Variants in COG5 observed in about 807,000 individuals in gnomAD.
COG5 encodes conserved oligomeric Golgi complex subunit 5.
Under a neutral mutation model 110.4 loss-of-function variants are expected in COG5, and 86 were observed. That is an observed-to-expected ratio of 0.78 (90% CI 0.65 to 0.93). The LOEUF (loss-of-function observed/expected upper bound fraction) is 0.93. Among genes scored for constraint, COG5 ranks in the 40% least tolerant of loss-of-function variants. The pLI is 0.00. For missense variants in COG5, 1,077 were observed against 987.0 expected, an observed-to-expected ratio of 1.09 and a Z score of -1.22; for synonymous variants, 360 against 334.6, an observed-to-expected ratio of 1.08 and a Z score of -0.83.
At chr7:107,471,957 TAGTG>T (rs374566588) in intron 6 of COG5, 1 of 152,028 alleles carries the variant, frequency 6.6e-6, no homozygotes, top group Non-Finnish European at 1.5e-5. Context: ...CATTTCAAAA[TAGTG>T]AGCACTGCTA....
At chr7:107,476,955 A>T (rs1186910314) in intron 6 of COG5, among the ~76,000 whole-genome samples, 2 of 151,726 alleles carry the variant, frequency 1.3e-5, no homozygotes, top group African/African-American at 4.8e-5. Flanking sequence ...ATAGTAATTT[A>T]CTTCTGATAA....
chr7:107,289,385 T>C (rs1319318682), intron 12 of COG5, among the ~76,000 whole-genome samples: 1 of 152,188 alleles, frequency 6.6e-6, no homozygotes, highest in African/African-American at 2.4e-5. Context: ...GGCAGTACTA[T>C]ACCATAGGGA....
intron 5 of COG5, among the ~76,000 whole-genome samples, chr7:107,535,319 C>A (rs1236618666): frequency 7.9e-5 from 12 of 151,362 alleles, no homozygotes; most frequent in Admixed American, 4.6e-4. Context: ...TAACTAAGAG[C>A]AGAACTGAAG....
At chr7:107,268,870 C>A (rs745832423) in intron 14 of COG5, among the ~76,000 whole-genome samples, 3 of 151,956 alleles carry the variant, frequency 2.0e-5, no homozygotes, top group Non-Finnish European at 4.4e-5. Flanking sequence ...TTTATCTGTC[C>A]TTATATTTTA....
At chr7:107,374,477 T>C (rs752889830) in intron 7 of COG5, among the ~76,000 whole-genome samples, 36 of 152,076 alleles carry the variant, frequency 2.4e-4, no homozygotes, top group Non-Finnish European at 3.2e-4. Context: ...ACAGTACAGT[T>C]TCAGTGTTAT....
intron 21 of COG5, chr7:107,207,852 T>C: frequency 1.0e-6 from 1 of 985,440 alleles, no homozygotes; most frequent in South Asian, 4.7e-5. Flanking sequence ...GCAGGATGGT[T>C]CACTATTTCC....
chr7:107,563,853 G>A lies in COG5; in HGVS notation c.44C>T (p.Ala15Val), dbSNP rs1804227263. ...AGCTGCAGCCGCTCCAGAGCCTCGAGCTCCGAGGCCAGCTACAGCGACGCT... is the reference window on the plus strand; with the variant it reads ...AGCTGCAGCCGCTCCAGAGCCTCGAACTCCGAGGCCAGCTACAGCGACGCT... ...GGSVAVAGLG[A>V]RGSGAAAATV... The change falls in exon 1 of 22, where the codon GCT becomes GTT. Residue 15 changes from alanine to valine, a missense_variant. Transcript: ENST00000297135. 1 of 1,613,714 alleles carries A rather than the reference G, an allele frequency of 6.2e-7. No homozygotes were observed. The highest frequency in any genetic ancestry group is 8.5e-7 in the Non-Finnish European group (1 of 1,179,938).
chr7:107,500,904 G>A (rs1024506253), intron 6 of COG5, among the ~76,000 whole-genome samples: 1 of 152,156 alleles, frequency 6.6e-6, no homozygotes, highest in East Asian at 1.9e-4. Flanking sequence ...AAATTCTACA[G>A]GTACACCTAT....
At chr7:107,500,305 C>A (rs1377471450) in intron 6 of COG5, among the ~76,000 whole-genome samples, 1 of 152,172 alleles carries the variant, frequency 6.6e-6, no homozygotes, top group African/African-American at 2.4e-5. Flanking sequence ...TCTGGATAAA[C>A]TTGAGAAGTG....
chr7:107,339,682 A>T (rs181849112), intron 10 of COG5, among the ~76,000 whole-genome samples: 13 of 152,282 alleles, frequency 8.5e-5, no homozygotes, highest in Non-Finnish European at 1.5e-4. Flanking sequence ...CTTGGACCAC[A>T]GTGGAATAAA....
chr7:107,245,183 T>C (rs1562930832), intron 17 of COG5, among the ~76,000 whole-genome samples: 1 of 152,188 alleles, frequency 6.6e-6, no homozygotes, highest in Non-Finnish European at 1.5e-5. Flanking sequence ...TTAAAAATTC[T>C]CAATAAATTA....
chr7:107,462,009 T>C (rs1796022006), intron 6 of COG5, among the ~76,000 whole-genome samples: 1 of 152,148 alleles, frequency 6.6e-6, no homozygotes, highest in Non-Finnish European at 1.5e-5. Context: ...CCAGCTTCCA[T>C]ATGAGATGCA....
intron 17 of COG5, among the ~76,000 whole-genome samples, chr7:107,240,010 T>C (rs1271158559): frequency 6.6e-6 from 1 of 152,140 alleles, no homozygotes; most frequent in Non-Finnish European, 1.5e-5. Context: ...TAATGTAGAG[T>C]TCTTCTTTCA....
chr7:107,276,534 T>A (rs757370521), intron 14 of COG5, among the ~76,000 whole-genome samples: 1 of 152,168 alleles, frequency 6.6e-6, no homozygotes, highest in African/African-American at 2.4e-5. Flanking sequence ...TAGCTAGGCA[T>A]GCTGGCATGC....
At chr7:107,472,153 A>G (rs899917059) in intron 6 of COG5, 8 of 152,064 alleles carry the variant, frequency 5.3e-5, no homozygotes, top group African/African-American at 1.9e-4. Context: ...GTGACTTTTT[A>G]AAGCAAAACA....
intron 11 of COG5, among the ~76,000 whole-genome samples, chr7:107,300,344 T>C (rs1470339120): frequency 1.3e-5 from 2 of 151,964 alleles, no homozygotes; most frequent in Non-Finnish European, 2.9e-5. Flanking sequence ...CCTAAGTAAA[T>C]AAGTAAATAA....
At chr7:107,433,070 A>G (rs571408471) in intron 6 of COG5, among the ~76,000 whole-genome samples, 4 of 152,334 alleles carry the variant, frequency 2.6e-5, no homozygotes, top group African/African-American at 9.6e-5. Flanking sequence ...TAAGAAAATA[A>G]TCCCATTTAC....
intron 6 of COG5, among the ~76,000 whole-genome samples, chr7:107,467,363 ATTT>A (rs199820763): frequency 2.7e-5 from 4 of 149,812 alleles, no homozygotes; most frequent in African/African-American, 7.4e-5. Context: ...AATTATTATT[ATTT>A]TTTTTTTGAG....
chr7:107,470,632 T>A (rs1437820989), intron 6 of COG5, among the ~76,000 whole-genome samples: 1 of 152,152 alleles, frequency 6.6e-6, no homozygotes, highest in African/African-American at 2.4e-5. Flanking sequence ...TAGGATGCAT[T>A]GTTAAATACA....
Sources: gnomAD v4.1 joint callset for allele counts (sites outside exome capture counted in the v4.1 genomes callset) on GRCh38, gnomAD v4.1.1 for gene constraint, MANE v1.5 for transcripts, NCBI Gene and HGNC (gene_info 2026-07-23, HGNC 2026-07-21) for gene names.